Variants in CEP126 observed in about 807,000 individuals in gnomAD.
The protein encoded by CEP126 is centrosomal protein of 126 kDa.
A neutral mutation model predicts 107.8 loss-of-function variants in CEP126; 74 were observed. That is an observed-to-expected ratio of 0.69 (90% CI 0.57 to 0.83). The LOEUF (loss-of-function observed/expected upper bound fraction) is 0.83, where lower values mean the gene tolerates loss of function less well. Ranked by LOEUF, CEP126 falls within the 40% of genes least tolerant of loss-of-function variation. The pLI is 0.00. For missense variants in CEP126, 1,237 were observed against 1,281.9 expected, an observed-to-expected ratio of 0.96 and a Z score of 0.53; for synonymous variants, 449 against 446.0, an observed-to-expected ratio of 1.01 and a Z score of -0.08.
intron 2 of CEP126, among the ~76,000 whole-genome samples, chr11:101,929,606 C>A (rs1338919035): frequency 2.0e-5 from 3 of 152,168 alleles, no homozygotes; most frequent in Admixed American, 1.3e-4. Flanking sequence ...TCCTCAGATA[C>A]CACCAACTAT....
intron 9 of CEP126, among the ~76,000 whole-genome samples, chr11:101,989,817 G>A (rs1215397680): frequency 3.3e-5 from 5 of 152,056 alleles, no homozygotes; most frequent in African/African-American, 1.2e-4. Context: ...CAAATTAGCC[G>A]GGCGTGGTGG....
At chr11:101,955,392 A>T (rs1017964665) in intron 4 of CEP126, among the ~76,000 whole-genome samples, 2 of 152,224 alleles carry the variant, frequency 1.3e-5, no homozygotes, top group Non-Finnish European at 2.9e-5. Flanking sequence ...TCCAATATCC[A>T]TGTATCTGTA....
chr11:101,973,301 T>C (rs1941154919), intron 6 of CEP126, among the ~76,000 whole-genome samples: 2 of 152,364 alleles, frequency 1.3e-5, no homozygotes, highest in African/African-American at 2.4e-5. Flanking sequence ...TTTCTAATTA[T>C]GTGGTACATA....
chr11:101,982,926 C>T (rs937402643), intron 8 of CEP126, among the ~76,000 whole-genome samples: 11 of 152,104 alleles, frequency 7.2e-5, no homozygotes, highest in Non-Finnish European at 1.5e-5. Flanking sequence ...TTTAGCATCC[C>T]CAAGGGGAAA....
At chr11:101,954,742 TCTCTC>T (rs1213444646) in intron 4 of CEP126, among the ~76,000 whole-genome samples, 3 of 152,054 alleles carry the variant, frequency 2.0e-5, no homozygotes, top group Non-Finnish European at 4.4e-5. Context: ...AAGTTAGACT[TCTCTC>T]CACAGATAAC....
chr11:101,916,841 AAT>A (rs1261558480), intron 1 of CEP126, among the ~76,000 whole-genome samples: 1 of 152,196 alleles, frequency 6.6e-6, no homozygotes, highest in African/African-American at 2.4e-5. Flanking sequence ...AATATTCATA[AAT>A]AGAATCCAGC....
At chr11:101,934,365 C>G (rs1940546222) in intron 2 of CEP126, among the ~76,000 whole-genome samples, 1 of 152,054 alleles carries the variant, frequency 6.6e-6, no homozygotes, top group African/African-American at 2.4e-5. Context: ...TTTACAGTTA[C>G]TACTTCACCT....
At chr11:101,936,966 G>C (rs1940589810) in intron 2 of CEP126, among the ~76,000 whole-genome samples, 1 of 152,104 alleles carries the variant, frequency 6.6e-6, no homozygotes, top group African/African-American at 2.4e-5. Flanking sequence ...CAAATGCTTG[G>C]AACTAGAAGT....
At chr11:101,991,901 ATC>A (rs1941388122) in intron 9 of CEP126, among the ~76,000 whole-genome samples, 1 of 152,234 alleles carries the variant, frequency 6.6e-6, no homozygotes, top group African/African-American at 2.4e-5. Flanking sequence ...ATTATTTTGC[ATC>A]CTTGCAATTA....
At chr11:101,968,176 A>T (rs1220175436) in intron 6 of CEP126, among the ~76,000 whole-genome samples, 2 of 152,172 alleles carry the variant, frequency 1.3e-5, no homozygotes, top group Admixed American at 1.3e-4. Context: ...GGGAGATTAG[A>T]CTTAGAGCAA....
At chr11:101,959,026 G>T (rs1234537273) in intron 5 of CEP126, among the ~76,000 whole-genome samples, 1 of 152,178 alleles carries the variant, frequency 6.6e-6, no homozygotes, top group Non-Finnish European at 1.5e-5. Flanking sequence ...AAAGGGGAAA[G>T]AAATGATGTA....
intron 6 of CEP126, among the ~76,000 whole-genome samples, chr11:101,976,283 G>C (rs1268425838): frequency 6.6e-6 from 1 of 152,166 alleles, no homozygotes; most frequent in Non-Finnish European, 1.5e-5. Context: ...GGGCTGGTGT[G>C]AAATGGTATC....
chr11:101,922,553 A>C, intron 1 of CEP126, 88 bp from the exon 2 acceptor site: 1 of 970,042 alleles, frequency 1.0e-6, no homozygotes. Flanking sequence ...CATCATTTGC[A>C]TGAGGCTGTA....
At chr11:101,984,117 A>G (rs1424181381) in intron 8 of CEP126, among the ~76,000 whole-genome samples, 1 of 152,230 alleles carries the variant, frequency 6.6e-6, no homozygotes, top group East Asian at 1.9e-4. Flanking sequence ...TGACCAGACT[A>G]TCGTTAGGTA....
intron 9 of CEP126, among the ~76,000 whole-genome samples, chr11:101,991,566 G>A (rs1661411): frequency 0.38 from 57,956 of 151,852 alleles, 11,267 homozygotes; most frequent in East Asian, 0.51. Flanking sequence ...ATGAACAGAT[G>A]GAGAATTTCA....
intron 2 of CEP126, among the ~76,000 whole-genome samples, chr11:101,934,835 G>T (rs1181568204): frequency 6.6e-6 from 1 of 152,084 alleles, no homozygotes; most frequent in Non-Finnish European, 1.5e-5. Context: ...GATAATTATA[G>T]TCAAAATGGT....
At position 101,947,320 on chromosome 11, in the gene CEP126, T is replaced by C. The variant is rs1375046913; in HGVS notation, c.395-711T>C. The stretch of plus-strand genomic sequence containing the variant: ...ATGTATAGATAGTATAGTATATTTA[T>C]AGTATATGATGGGAGGAAAATGATG... On this transcript the variant is annotated intron_variant, in intron 3 of 10. Transcript: ENST00000263468. Among the ~76,000 whole-genome samples, 3 of 152,164 alleles carry C rather than the reference T, an allele frequency of 2.0e-5. No individual in the cohort carries two copies. In the East Asian group the frequency reaches 5.8e-4, roughly 29 times the overall value.
chr11:101,991,010 A>C (rs1199378206), intron 9 of CEP126, among the ~76,000 whole-genome samples: 2 of 151,964 alleles, frequency 1.3e-5, no homozygotes, highest in Non-Finnish European at 2.9e-5. Flanking sequence ...TGTCTCTACA[A>C]AAAATTCAAA....
At chr11:101,927,866 A>C (rs1022744622) in intron 2 of CEP126, among the ~76,000 whole-genome samples, 4 of 152,234 alleles carry the variant, frequency 2.6e-5, no homozygotes, top group South Asian at 2.1e-4. Flanking sequence ...AAACATTCAC[A>C]TACAGGTTTT....
Sources: allele counts gnomAD v4.1 joint callset (sites outside exome capture counted in the v4.1 genomes callset), GRCh38; gene constraint gnomAD v4.1.1; transcripts MANE v1.5; gene names NCBI Gene and HGNC (gene_info 2026-07-23, HGNC 2026-07-21).